The following CXADR variants were observed in gnomAD, a reference collection of about 807,000 sequenced individuals.
The protein encoded by CXADR is coxsackievirus and adenovirus receptor.
CXADR carries 20 observed loss-of-function variants against 40.3 expected under a neutral mutation model. The observed-to-expected ratio is 0.50, with a 90% CI of 0.35 to 0.72. The LOEUF (loss-of-function observed/expected upper bound fraction) is 0.72, where lower values mean the gene tolerates loss of function less well. CXADR is among the 30% of genes least tolerant of loss of function. CXADR has a pLI of 0.01. For missense variants in CXADR, 332 were observed against 449.1 expected (o/e 0.74, Z 2.36); for synonymous variants, 150 against 161.3 (o/e 0.93, Z 0.53).
chr21:17,522,865 A>C (rs1045236421), intron 1 of CXADR, among the ~76,000 whole-genome samples: 1 of 152,146 alleles, frequency 6.6e-6, no homozygotes, highest in African/African-American at 2.4e-5. Context: ...TAATGTCTCT[A>C]CACACACTTC....
downstream of CXADR, among the ~76,000 whole-genome samples, chr21:17,597,750 A>G (rs574514678): frequency 6.6e-6 from 1 of 152,118 alleles, no homozygotes; most frequent in South Asian, 2.1e-4. Flanking sequence ...AAAACCAAAA[A>G]TTAAGTTACA....
the CXADR span, among the ~76,000 whole-genome samples, chr21:17,623,304 A>G: frequency 6.6e-6 from 1 of 152,012 alleles, no homozygotes; most frequent in Non-Finnish European, 1.5e-5. Flanking sequence ...TCTTTGATGT[A>G]TTTTTTAATT....
At chr21:17,572,241 C>T (rs1162877998), downstream of CXADR, among the ~76,000 whole-genome samples, 9 of 120,714 alleles carry the variant, frequency 7.5e-5, no homozygotes, top group Non-Finnish European at 1.4e-4. Context: ...CGTGGTGGTG[C>T]ATGCCTGTAA....
chr21:17,546,124 T>C (rs2060894136), intron 1 of CXADR, among the ~76,000 whole-genome samples: 2 of 152,240 alleles, frequency 1.3e-5, no homozygotes, highest in Admixed American at 6.5e-5. Flanking sequence ...CCTTTTCTTT[T>C]TGAATTATCC....
chr21:17,627,937 CTTTTAGTTGATTAAGT>C, the CXADR span, among the ~76,000 whole-genome samples: 8 of 152,116 alleles, frequency 5.3e-5, no homozygotes, highest in Non-Finnish European at 1.0e-4. Context: ...TAGTTTCTTT[CTTTTAGTTGATTAAGT>C]TTTTAGTTGA....
intron 7 of CXADR, chr21:17,576,853 G>A (rs2061325587): frequency 6.6e-6 from 1 of 152,132 alleles, no homozygotes; most frequent in Non-Finnish European, 1.5e-5. Flanking sequence ...TACAGGTCAA[G>A]CTCTTTGTTC....
At chr21:17,533,938 A>G (rs898658727) in intron 1 of CXADR, among the ~76,000 whole-genome samples, 5 of 149,576 alleles carry the variant, frequency 3.3e-5, no homozygotes, top group African/African-American at 9.8e-5. Context: ...GTGGGAATTA[A>G]AGAACTAAAA....
intron 1 of CXADR, among the ~76,000 whole-genome samples, chr21:17,524,759 A>G (rs1569078275): frequency 6.6e-6 from 1 of 151,756 alleles, no homozygotes; most frequent in African/African-American, 2.4e-5. Context: ...TGATACAAAA[A>G]TTAGCCGGGT....
intron 7 of CXADR, among the ~76,000 whole-genome samples, chr21:17,580,835 C>T (rs1468844390): frequency 6.6e-6 from 1 of 152,140 alleles, no homozygotes; most frequent in Non-Finnish European, 1.5e-5. Context: ...ACTGCAGCCT[C>T]AACCTCCAGG....
At chr21:17,559,705 T>C (rs1299529823) in intron 4 of CXADR, among the ~76,000 whole-genome samples, 2 of 135,760 alleles carry the variant, frequency 1.5e-5, no homozygotes, top group Non-Finnish European at 3.2e-5. Context: ...AGACAAGGGG[T>C]CTCGCTCTGT....
chr21:17,543,034 AG>A (rs1342580531), intron 1 of CXADR: 1 of 377,272 alleles, frequency 2.7e-6, no homozygotes, highest in African/African-American at 2.1e-5. Context: ...AGTGCAACAC[AG>A]TGAAGAGGAA....
At chr21:17,612,348 C>G in the CXADR span, 1 of 152,268 alleles carries the variant, frequency 6.6e-6, no homozygotes, top group South Asian at 2.1e-4. Flanking sequence ...GAAAAAACAC[C>G]GACGCGAAGG....
At chr21:17,592,990 T>TA (rs1320761378) in intron 7 of CXADR, among the ~76,000 whole-genome samples, 1 of 151,956 alleles carries the variant, frequency 6.6e-6, no homozygotes, top group Non-Finnish European at 1.5e-5. Context: ...ATTCAATGAT[T>TA]TATTAGCAAG....
the CXADR span, among the ~76,000 whole-genome samples, chr21:17,610,322 G>T: frequency 6.6e-6 from 1 of 152,116 alleles, no homozygotes; most frequent in African/African-American, 2.4e-5. Context: ...GAATTGCATG[G>T]TATATAAATT....
At chr21:17,626,518 G>A in the CXADR span, among the ~76,000 whole-genome samples, 6 of 152,056 alleles carry the variant, frequency 3.9e-5, no homozygotes, top group African/African-American at 7.2e-5. Flanking sequence ...CAAGGAATCA[G>A]CATTTTTTTT....
chr21:17,521,839 A>G lies in CXADR; in HGVS notation c.43+8667A>G, dbSNP rs905723894. ...ACAATCTTGTCCACATCATCATTCC[A>G]CAAAACATGGTATTTCTCCTTAAGG... On this transcript the variant is annotated intron_variant, in intron 1 of 6. Transcript: ENST00000284878. 3.3e-5 allele frequency among the ~76,000 whole-genome samples: 5 copies of G among 152,206 alleles called. No homozygotes were observed. The East Asian group carries it at 7.8e-4, about 24-fold the overall frequency.
At chr21:17,625,612 C>G in the CXADR span, among the ~76,000 whole-genome samples, 1 of 152,160 alleles carries the variant, frequency 6.6e-6, no homozygotes, top group South Asian at 2.1e-4. Context: ...TGCTGATAAA[C>G]TTTTTATTAA....
chr21:17,528,383 CTTT>C (rs2060625708), intron 1 of CXADR, among the ~76,000 whole-genome samples: 1 of 150,888 alleles, frequency 6.6e-6, no homozygotes, highest in Non-Finnish European at 1.5e-5. Flanking sequence ...ATGCTTAGTT[CTTT>C]TTTCTTTTTT....
intron 1 of CXADR, among the ~76,000 whole-genome samples, chr21:17,542,586 A>G (rs1329493117): frequency 6.6e-6 from 1 of 152,250 alleles, no homozygotes; most frequent in Non-Finnish European, 1.5e-5. Context: ...ATGTTATTTC[A>G]GTCACTGCCA....
Sources: gnomAD v4.1 joint callset for allele counts (sites outside exome capture counted in the v4.1 genomes callset) on GRCh38, gnomAD v4.1.1 for gene constraint, MANE v1.5 for transcripts, NCBI Gene and HGNC (gene_info 2026-07-23, HGNC 2026-07-21) for gene names.